The following ADAMTS12 variants were observed in gnomAD, a reference collection of about 807,000 sequenced individuals.
ADAMTS12 encodes A disintegrin and metalloproteinase with thrombospondin motifs 12.
ADAMTS12 carries 118 observed loss-of-function variants against 167.8 expected under a neutral mutation model. That is an observed-to-expected ratio of 0.70 (90% CI 0.61 to 0.82). The LOEUF is 0.82. Ranked by LOEUF, ADAMTS12 falls within the 40% of genes least tolerant of loss-of-function variation. The probability of loss-of-function intolerance (pLI) is 0.00; values close to 1 mark genes in which losing one functional copy is unlikely to be tolerated. For missense variants in ADAMTS12, 1,916 were observed against 1,998.8 expected (o/e 0.96, Z 0.79); for synonymous variants, 704 against 716.9 (o/e 0.98, Z 0.29).
intron 22 of ADAMTS12, among the ~76,000 whole-genome samples, chr5:33,540,913 G>A (rs893693231): frequency 1.9e-4 from 29 of 152,178 alleles, no homozygotes; most frequent in African/African-American, 6.8e-4. Flanking sequence ...TCTAAAAACT[G>A]GAGTTCCTCT....
At chr5:33,701,209 A>G (rs1355523722) in intron 3 of ADAMTS12, among the ~76,000 whole-genome samples, 1 of 152,236 alleles carries the variant, frequency 6.6e-6, no homozygotes, top group Non-Finnish European at 1.5e-5. Flanking sequence ...GCCTAGCAGG[A>G]CTGTCATCTA....
intron 2 of ADAMTS12, among the ~76,000 whole-genome samples, chr5:33,842,501 T>C (rs996458733): frequency 1.3e-5 from 2 of 152,230 alleles, no homozygotes; most frequent in African/African-American, 2.4e-5. Flanking sequence ...TAAAAGCTTT[T>C]AGAGCAAAAA....
Position 33,669,061 on chromosome 5 carries a change from G to A in ADAMTS12, c.916-7021C>T, listed in dbSNP as rs559564139. Among the ~76,000 whole-genome samples, 11 of 152,132 alleles carry A rather than the reference G, an allele frequency of 7.2e-5. No homozygotes were observed. The South Asian group carries it at 1.7e-3, about 23-fold the overall frequency. On this transcript the variant is annotated intron_variant, in intron 5 of 23. Transcript: ENST00000504830. Reference sequence around the variant, plus strand: ...GAGATGTAAAGTAAACCAAAAATAGGGATTTGCATTCCTTTGAAAATAGAA... The same window carrying A: ...GAGATGTAAAGTAAACCAAAAATAGAGATTTGCATTCCTTTGAAAATAGAA...
intron 18 of ADAMTS12, among the ~76,000 whole-genome samples, chr5:33,586,143 CA>C: frequency 6.6e-6 from 1 of 152,254 alleles, no homozygotes; most frequent in Admixed American, 6.5e-5. Context: ...TATCCTGCTT[CA>C]AATGATGTTG....
chr5:33,682,844 C>T lies in ADAMTS12; in HGVS notation c.915+174G>A, dbSNP rs563522311. Among the ~76,000 whole-genome samples, 12 of 152,174 alleles carry T rather than the reference C, an allele frequency of 7.9e-5. 1 individual carries two copies. Among genetic ancestry groups the T allele is most frequent in the South Asian group, 2.1e-4 (1 of 4,798 alleles). ...TATTTTGGAAATGTTATCCACATCC[C>T]GCTCAGTATCACTGAACTCCCAAGG... On this transcript the variant is annotated intron_variant, in intron 5 of 23. Transcript: ENST00000504830.
intron 18 of ADAMTS12, among the ~76,000 whole-genome samples, chr5:33,586,338 T>C (rs746691676): frequency 2.6e-5 from 4 of 152,238 alleles, no homozygotes; most frequent in Non-Finnish European, 5.9e-5. Context: ...TTGATGAATA[T>C]TTTGATACTG....
intron 2 of ADAMTS12, among the ~76,000 whole-genome samples, chr5:33,798,333 C>T (rs1195744880): frequency 6.6e-6 from 1 of 151,250 alleles, no homozygotes; most frequent in East Asian, 2.0e-4. Flanking sequence ...TGTCAGCAGG[C>T]TTGGTTTCTC....
chr5:33,723,923 C>G (rs1743888839), intron 3 of ADAMTS12, among the ~76,000 whole-genome samples: 1 of 152,180 alleles, frequency 6.6e-6, no homozygotes, highest in South Asian at 2.1e-4. Flanking sequence ...CTGCCTGGCC[C>G]CTTCAGATGC....
intron 14 of ADAMTS12, among the ~76,000 whole-genome samples, chr5:33,621,803 C>A (rs1739343282): frequency 6.6e-6 from 1 of 152,164 alleles, no homozygotes; most frequent in South Asian, 2.1e-4. Flanking sequence ...GTGTCTGGTT[C>A]AGATACAAAC....
At chr5:33,630,543 G>A (rs565299201) in intron 13 of ADAMTS12, among the ~76,000 whole-genome samples, 217 of 152,088 alleles carry the variant, frequency 1.4e-3, no homozygotes, top group Non-Finnish European at 2.2e-3. Context: ...AAACAATATC[G>A]TAGTGCACAT....
At chr5:33,626,086 C>T (rs895293357) in intron 13 of ADAMTS12, among the ~76,000 whole-genome samples, 1 of 152,166 alleles carries the variant, frequency 6.6e-6, no homozygotes, top group Non-Finnish European at 1.5e-5. Flanking sequence ...CAGGCAATCA[C>T]CCCAATAGGT....
chr5:33,626,375 T>C (rs1189201359), intron 13 of ADAMTS12, among the ~76,000 whole-genome samples: 1 of 138,992 alleles, frequency 7.2e-6, no homozygotes, highest in Non-Finnish European at 1.5e-5. Flanking sequence ...GTGGTGGTGA[T>C]GGGGGTGATG....
chr5:33,811,627 ATCCT>A (rs1408358175), intron 2 of ADAMTS12, among the ~76,000 whole-genome samples: 1 of 152,204 alleles, frequency 6.6e-6, no homozygotes, highest in African/African-American at 2.4e-5. Flanking sequence ...ATGGGGCCAT[ATCCT>A]CCAGGGCCCC....
At chr5:33,829,175 A>G (rs1038778240) in intron 2 of ADAMTS12, among the ~76,000 whole-genome samples, 38 of 152,152 alleles carry the variant, frequency 2.5e-4, no homozygotes, top group African/African-American at 8.9e-4. Context: ...ATGGGAAAAG[A>G]ACCCATTCAG....
chr5:33,626,210 G>A (rs74332675), intron 13 of ADAMTS12, among the ~76,000 whole-genome samples: 15,408 of 151,866 alleles, frequency 0.1, 891 homozygotes, highest in East Asian at 0.21. Context: ...GATAATAGTG[G>A]TGATGGAGTA....
At chr5:33,807,237 A>G (rs1377006454) in intron 2 of ADAMTS12, among the ~76,000 whole-genome samples, 2 of 152,192 alleles carry the variant, frequency 1.3e-5, no homozygotes, top group Non-Finnish European at 2.9e-5. Flanking sequence ...CATTTTACAG[A>G]TAAAAAAACT....
chr5:33,885,151 CTA>C (rs1412258621), intron 1 of ADAMTS12, among the ~76,000 whole-genome samples: 1 of 152,060 alleles, frequency 6.6e-6, no homozygotes, highest in African/African-American at 2.4e-5. Flanking sequence ...AAAAGTTACT[CTA>C]AATTTTTGTG....
intron 16 of ADAMTS12, 109 bp downstream of exon 16, chr5:33,614,129 G>A (rs951559997): frequency 2.1e-6 from 3 of 1,423,736 alleles, no homozygotes; most frequent in Non-Finnish European, 2.8e-6. Context: ...TCTCAGTGGA[G>A]CCCTGCAGAT....
intron 2 of ADAMTS12, among the ~76,000 whole-genome samples, chr5:33,854,635 C>T (rs13155761): frequency 0.22 from 33,819 of 152,134 alleles, 4,295 homozygotes; most frequent in Middle Eastern, 0.3. Flanking sequence ...CTATCCCTCC[C>T]ATCTCTAATT....
Sources: allele counts gnomAD v4.1 joint callset (sites outside exome capture counted in the v4.1 genomes callset), GRCh38; gene constraint gnomAD v4.1.1; transcripts MANE v1.5; gene names NCBI Gene and HGNC (gene_info 2026-07-23, HGNC 2026-07-21).